The following CDH13 variants were observed in gnomAD, a reference collection of about 807,000 sequenced individuals.
CDH13 encodes the protein cadherin 13.
In CDH13, 24 loss-of-function variants were observed where a neutral mutation model predicts 63.8. The ratio of observed to expected loss-of-function variants is 0.38; its 90% confidence interval spans 0.27 to 0.53. The LOEUF (loss-of-function observed/expected upper bound fraction) is 0.53. Among genes scored for constraint, CDH13 ranks in the 20% least tolerant of loss-of-function variants. CDH13 has a pLI of 0.85. For missense variants in CDH13, 1,049 were observed against 903.1 expected (o/e 1.16, Z -2.07); for synonymous variants, 503 against 355.3 (o/e 1.42, Z -4.67).
chr16:83,388,180 A>G (rs1423651282), intron 6 of CDH13, among the ~76,000 whole-genome samples: 1 of 151,628 alleles, frequency 6.6e-6, no homozygotes, highest in Non-Finnish European at 1.5e-5. Context: ...TGGGCTAGGC[A>G]TGGTGGCTTA....
At chr16:82,981,277 T>C (rs1363616278) in intron 2 of CDH13, among the ~76,000 whole-genome samples, 2 of 152,192 alleles carry the variant, frequency 1.3e-5, no homozygotes, top group East Asian at 3.9e-4. Flanking sequence ...TCCTGATAAA[T>C]GTATTCCCTC....
At chr16:82,703,494 T>G (rs1870848) in intron 1 of CDH13, among the ~76,000 whole-genome samples, 2 of 152,142 alleles carry the variant, frequency 1.3e-5, no homozygotes, top group Non-Finnish European at 2.9e-5. Flanking sequence ...GAGATGTATT[T>G]GACACCATTT....
intron 7 of CDH13, among the ~76,000 whole-genome samples, chr16:83,525,854 C>G (rs934381284): frequency 6.6e-6 from 1 of 152,166 alleles, no homozygotes; most frequent in Non-Finnish European, 1.5e-5. Flanking sequence ...ATAAAAACAA[C>G]TTTGTCCAGC....
intron 1 of CDH13, chr16:82,689,157 A>T (rs1265782645): frequency 7.4e-6 from 1 of 135,314 alleles, no homozygotes; most frequent in Non-Finnish European, 1.6e-5. Flanking sequence ...ACTTGCCTGC[A>T]TCCAAACATT....
At position 83,634,536 on chromosome 16, in the gene CDH13, G is replaced by A. The variant is rs542927285; in HGVS notation, c.1101+31942G>A. ...CTGCCTCAGCCTCCTGAATAGCTGG[G>A]ACTACAGATGCCTGCCACCATGCCC... On this transcript the variant is annotated intron_variant, in intron 8 of 13. Transcript: ENST00000567109. Among the ~76,000 whole-genome samples the A allele has an allele frequency of 2.0e-5, 3 of 152,072 alleles. No homozygotes were observed. The South Asian group carries it at 6.2e-4, about 32-fold the overall frequency.
chr16:83,410,172 C>G (rs2092105599), intron 6 of CDH13, among the ~76,000 whole-genome samples: 1 of 152,048 alleles, frequency 6.6e-6, no homozygotes, highest in South Asian at 2.1e-4. Flanking sequence ...AGTGAAGCAC[C>G]AAGATGCCAA....
chr16:82,965,025 T>C (rs1277888688), intron 2 of CDH13, among the ~76,000 whole-genome samples: 2 of 152,202 alleles, frequency 1.3e-5, no homozygotes, highest in Non-Finnish European at 2.9e-5. Flanking sequence ...AATCGCTGAG[T>C]ACTGTCAAAG....
intron 7 of CDH13, among the ~76,000 whole-genome samples, chr16:83,578,078 C>A (rs772488417): frequency 1.9e-4 from 29 of 152,130 alleles, no homozygotes; most frequent in Non-Finnish European, 3.5e-4. Context: ...AATGTGGGTG[C>A]CTCTGGCTTA....
At chr16:83,737,084 G>T (rs16961548) in intron 10 of CDH13, among the ~76,000 whole-genome samples, 4 of 152,192 alleles carry the variant, frequency 2.6e-5, no homozygotes, top group African/African-American at 9.7e-5. Context: ...GTTCTTAGGC[G>T]TTTGTCTGCA....
intron 8 of CDH13, among the ~76,000 whole-genome samples, chr16:83,656,391 C>T (rs1912870644): frequency 6.6e-6 from 1 of 152,052 alleles, no homozygotes; most frequent in Non-Finnish European, 1.5e-5. Context: ...GTTTGAGGTG[C>T]CTGTTAGACA....
At chr16:83,160,693 G>T (rs960487213) in intron 4 of CDH13, among the ~76,000 whole-genome samples, 1 of 152,088 alleles carries the variant, frequency 6.6e-6, no homozygotes, top group African/African-American at 2.4e-5. Flanking sequence ...AAAGAGGGGT[G>T]ATATTTTATA....
chr16:83,453,609 A>G (rs1296370779), intron 6 of CDH13, among the ~76,000 whole-genome samples: 2 of 152,176 alleles, frequency 1.3e-5, no homozygotes, highest in African/African-American at 4.8e-5. Flanking sequence ...TGGGGAATTG[A>G]GTCTATCTGT....
intron 2 of CDH13, among the ~76,000 whole-genome samples, chr16:83,016,830 G>C (rs1195774562): frequency 1.3e-5 from 2 of 151,742 alleles, no homozygotes; most frequent in Non-Finnish European, 2.9e-5. Context: ...TTGTACAAAA[G>C]ATGCTCATCT....
In CDH13 at chr16:82,794,018, G is replaced by A. The variant is rs1245313248; in HGVS notation, c.46-64344G>A. 2.6e-5 allele frequency among the ~76,000 whole-genome samples: 4 copies of A among 152,010 alleles called. No individual in the cohort carries two copies. In the South Asian group the frequency reaches 8.3e-4, roughly 32 times the overall value. On this transcript the variant is annotated intron_variant, in intron 1 of 13. Coordinates refer to ENST00000567109, the MANE Select transcript of CDH13 (RefSeq NM_001257.5). Reference sequence around the variant, plus strand: ...CCCCACCAAGAAGAGCCTCCCTGCTGGAGGAAAGCAGAAAGGGAACTGGGG... The same window carrying A: ...CCCCACCAAGAAGAGCCTCCCTGCTAGAGGAAAGCAGAAAGGGAACTGGGG...
chr16:83,428,751 G>A (rs1400642451), intron 6 of CDH13, among the ~76,000 whole-genome samples: 1 of 152,186 alleles, frequency 6.6e-6, no homozygotes, highest in Non-Finnish European at 1.5e-5. Context: ...TGGGGAATAA[G>A]CTACACATAT....
intron 4 of CDH13, among the ~76,000 whole-genome samples, chr16:83,126,149 A>G (rs1313963130): frequency 2.0e-5 from 3 of 152,234 alleles, no homozygotes; most frequent in Non-Finnish European, 4.4e-5. Flanking sequence ...ACAAGTGCTC[A>G]GTGCCGCAAA....
intron 7 of CDH13, among the ~76,000 whole-genome samples, chr16:83,525,280 C>T (rs8049580): frequency 0.068 from 10,329 of 152,256 alleles, 456 homozygotes; most frequent in African/African-American, 0.12. Flanking sequence ...TTACTGAGCA[C>T]TTTGTCTGCA....
At chr16:83,074,760 C>A (rs942391204) in intron 3 of CDH13, among the ~76,000 whole-genome samples, 9 of 152,180 alleles carry the variant, frequency 5.9e-5, no homozygotes, top group Admixed American at 3.3e-4. Context: ...TTACCAGCTC[C>A]ATTTGCAGAA....
At chr16:83,576,203 T>C (rs1342060946) in intron 7 of CDH13, among the ~76,000 whole-genome samples, 1 of 152,314 alleles carries the variant, frequency 6.6e-6, no homozygotes, top group East Asian at 1.9e-4. Flanking sequence ...ACAACCTCCT[T>C]TCTGTCTCTA....
Sources: allele counts gnomAD v4.1 joint callset (sites outside exome capture counted in the v4.1 genomes callset), GRCh38; gene constraint gnomAD v4.1.1; transcripts MANE v1.5; gene names NCBI Gene and HGNC (gene_info 2026-07-23, HGNC 2026-07-21).